The following TMEM164 variants were observed in gnomAD, a reference collection of about 807,000 sequenced individuals.
TMEM164 encodes RP13-360B22.2.
TMEM164 carries 4 observed loss-of-function variants against 18.8 expected under a neutral mutation model. That is an observed-to-expected ratio of 0.21 (90% confidence interval 0.10 to 0.49). TMEM164 has a LOEUF of 0.49. TMEM164 is among the 20% of genes least tolerant of loss of function. TMEM164 has a pLI of 0.98. For synonymous variants in TMEM164, 86 were observed against 101.7 expected, an observed-to-expected ratio of 0.85 and a Z score of 0.93; for missense variants, 108 against 239.9, an observed-to-expected ratio of 0.45 and a Z score of 3.63.
Position 110,114,892 on chromosome X carries a change from C to T in TMEM164, c.507+5746C>T, listed in dbSNP as rs150645398. Among the ~76,000 whole-genome samples the T allele has an allele frequency of 3.8e-3, 421 of 111,946 alleles. 2 individuals carry two copies. Among genetic ancestry groups the T allele is most frequent in the African/African-American group, 0.013 (410 of 30,864 alleles). On this transcript the variant is annotated intron_variant, in intron 4 of 6. Transcript: ENST00000372068. ...TTATTATCTTATTATCAAACTTGCCCATTATTATATATCCATGTTGATCTA... is the reference window on the plus strand; with the variant it reads ...TTATTATCTTATTATCAAACTTGCCTATTATTATATATCCATGTTGATCTA...
intron 5 of TMEM164, among the ~76,000 whole-genome samples, chrX:110,157,132 G>A (rs902388355): frequency 2.1e-4 from 23 of 111,626 alleles, no homozygotes; most frequent in Non-Finnish European, 3.8e-4. Context: ...GGGTAACTAT[G>A]TAGGTAGGGA....
At chrX:110,133,278 G>T (rs2148034764) in intron 4 of TMEM164, among the ~76,000 whole-genome samples, 1 of 111,565 alleles carries the variant, frequency 9.0e-6, no homozygotes, top group South Asian at 3.8e-4. Flanking sequence ...AGCCTCCCGA[G>T]TAGCTGAGAT....
intron 5 of TMEM164, among the ~76,000 whole-genome samples, 191 bp from the exon 6 acceptor site, chrX:110,171,229 G>A (rs955417878): frequency 9.0e-6 from 1 of 111,658 alleles, no homozygotes; most frequent in African/African-American, 3.3e-5. Context: ...TAAGTGGCAG[G>A]ACAGAGGGCA....
chrX:110,009,098 T>A (rs1003256966), intron 2 of TMEM164, among the ~76,000 whole-genome samples: 1 of 112,173 alleles, frequency 8.9e-6, no homozygotes, highest in African/African-American at 3.2e-5. Flanking sequence ...TTTTTCCCAG[T>A]CTTTTCATGC....
At chrX:110,077,890 T>G (rs1045060802) in intron 3 of TMEM164, among the ~76,000 whole-genome samples, 31 of 112,092 alleles carry the variant, frequency 2.8e-4, no homozygotes, top group African/African-American at 9.4e-4. Context: ...CTTTAAGATT[T>G]TTTCTTTTTC....
intron 3 of TMEM164, among the ~76,000 whole-genome samples, chrX:110,092,524 G>A (rs1419677919): frequency 6.3e-5 from 7 of 111,781 alleles, no homozygotes; most frequent in African/African-American, 2.3e-4. Flanking sequence ...TGTTATTGGT[G>A]TATAAGAATG....
intron 5 of TMEM164, among the ~76,000 whole-genome samples, chrX:110,159,295 C>G (rs1013085240): frequency 9.0e-6 from 1 of 110,683 alleles, no homozygotes; most frequent in African/African-American, 3.3e-5. Flanking sequence ...TAGAAGAGAG[C>G]TGGGGAACAA....
intron 4 of TMEM164, among the ~76,000 whole-genome samples, chrX:110,134,832 C>T (rs1164754878): frequency 9.1e-6 from 1 of 110,264 alleles, no homozygotes; most frequent in Non-Finnish European, 1.9e-5. Flanking sequence ...GGAGGGAATT[C>T]TTAAAAACTA....
chrX:110,094,661 G>A (rs1224318045), intron 3 of TMEM164, among the ~76,000 whole-genome samples: 1 of 111,653 alleles, frequency 9.0e-6, no homozygotes, highest in Admixed American at 9.5e-5. Flanking sequence ...TTTAATTGGA[G>A]CATTTGGCCC....
chrX:110,032,300 A>G (rs1183565534), intron 2 of TMEM164, among the ~76,000 whole-genome samples: 1 of 111,854 alleles, frequency 8.9e-6, no homozygotes, highest in Non-Finnish European at 1.9e-5. Context: ...AACATGCCCT[A>G]TAAATATGAG....
chrX:110,080,398 C>A (rs1474407555), intron 3 of TMEM164, among the ~76,000 whole-genome samples: 1 of 111,726 alleles, frequency 9.0e-6, no homozygotes, highest in African/African-American at 3.2e-5. Context: ...TACCTAATTT[C>A]CTCCACTGGT....
chrX:110,048,978 C>T (rs992608531), intron 2 of TMEM164, among the ~76,000 whole-genome samples: 1 of 111,748 alleles, frequency 8.9e-6, no homozygotes, highest in Non-Finnish European at 1.9e-5. Flanking sequence ...CTTGATTATG[C>T]GATTTGCTAA....
intron 2 of TMEM164, among the ~76,000 whole-genome samples, chrX:110,044,218 C>T (rs1158986291): frequency 8.9e-6 from 1 of 112,940 alleles, no homozygotes; most frequent in East Asian, 2.8e-4. Flanking sequence ...GATAAGACTA[C>T]ATATCAAATT....
chrX:110,105,681 C>CACAG (rs1453183122), intron 3 of TMEM164, among the ~76,000 whole-genome samples: 1 of 63,170 alleles, frequency 1.6e-5, no homozygotes, highest in African/African-American at 5.8e-5. Flanking sequence ...GAAACACAGA[C>CACAG]ACACACACAC....
intron 2 of TMEM164, chrX:110,065,400 G>C (rs1936293026): frequency 9.0e-6 from 1 of 111,482 alleles, no homozygotes; most frequent in South Asian, 3.8e-4. Flanking sequence ...GAAGTATTGA[G>C]GACCTTTCTA....
intron 3 of TMEM164, 109 bp downstream of exon 3, chrX:110,067,505 T>A: frequency 1.4e-6 from 1 of 726,059 alleles, no homozygotes; most frequent in East Asian, 3.3e-5. Flanking sequence ...TACCATTTTG[T>A]CTTTGCACTT....
In TMEM164 at chrX:110,175,645, A is replaced by T. The variant is rs1325020693; in HGVS notation, c.*2194A>T. The T allele has an allele frequency of 1.4e-5, 9 of 626,130 alleles. No homozygotes were observed. Among genetic ancestry groups the T allele is most frequent in the African/African-American group, 4.8e-5 (2 of 41,357 alleles). 51.6% of individuals were successfully genotyped at this position (626,130 alleles called of 1,213,427 possible). On this transcript the variant is annotated 3_prime_UTR_variant, in exon 7 of 7. Coordinates refer to ENST00000372068, the MANE Select transcript of TMEM164 (RefSeq NM_032227.4). ...CATGCCTGGCATGGCCAAGCCAGAG[A>T]CAGATCCACCTGTCAGAGGAAGGAA...
chrX:110,139,589 A>G (rs2066739989), intron 4 of TMEM164, among the ~76,000 whole-genome samples: 1 of 111,961 alleles, frequency 8.9e-6, no homozygotes, highest in Non-Finnish European at 1.9e-5. Flanking sequence ...GGTTAATAGC[A>G]TGGCTTTATA....
At chrX:110,046,567 A>G (rs1413847373) in intron 2 of TMEM164, 2 of 620,745 alleles carry the variant, frequency 3.2e-6, no homozygotes, top group East Asian at 3.3e-4. Context: ...TCTGTTAATA[A>G]ATGCTGCCTG....
Sources: allele counts gnomAD v4.1 joint callset (sites outside exome capture counted in the v4.1 genomes callset), GRCh38; gene constraint gnomAD v4.1.1; transcripts MANE v1.5; gene names NCBI Gene and HGNC (gene_info 2026-07-23, HGNC 2026-07-21).